MARCHF4: variants seen among roughly 807,000 people sequenced by gnomAD.
MARCHF4 encodes the protein E3 ubiquitin-protein ligase MARCHF4.
A neutral mutation model predicts 43.9 loss-of-function variants in MARCHF4; 14 were observed. The ratio of observed to expected loss-of-function variants is 0.32; its 90% CI spans 0.21 to 0.50. The LOEUF (loss-of-function observed/expected upper bound fraction) is 0.50, where lower values mean the gene tolerates loss of function less well. Among genes scored for constraint, MARCHF4 ranks in the 20% least tolerant of loss-of-function variants. MARCHF4 has a pLI of 0.98. For synonymous variants in MARCHF4, 226 were observed against 213.3 expected, an observed-to-expected ratio of 1.06 and a Z score of -0.52; for missense variants, 468 against 536.7, an observed-to-expected ratio of 0.87 and a Z score of 1.27.
intron 2 of MARCHF4, among the ~76,000 whole-genome samples, chr2:216,278,370 C>T (rs745338329): frequency 4.6e-5 from 7 of 152,178 alleles, no homozygotes; most frequent in African/African-American, 1.7e-4. Flanking sequence ...ACTACAGGCA[C>T]CCAACACCAT....
At chr2:216,321,164 G>T (rs1264951961) in intron 1 of MARCHF4, among the ~76,000 whole-genome samples, 1 of 151,968 alleles carries the variant, frequency 6.6e-6, no homozygotes, top group African/African-American at 2.4e-5. Flanking sequence ...TAACTCTTCA[G>T]TCAAGACTCC....
chr2:216,265,338 G>A (rs938211851), intron 3 of MARCHF4, among the ~76,000 whole-genome samples: 13 of 152,130 alleles, frequency 8.5e-5, no homozygotes, highest in Non-Finnish European at 2.9e-5. Flanking sequence ...TAGAAGAATT[G>A]TCTCCTTTGT....
chr2:216,313,379 A>T (rs74818533), intron 1 of MARCHF4, among the ~76,000 whole-genome samples: 1,601 of 152,366 alleles, frequency 0.011, 34 homozygotes, highest in African/African-American at 0.037. Context: ...CTAGTTCATT[A>T]AAACAGGTTT....
chr2:216,363,212 A>G (rs1357867661), intron 1 of MARCHF4, among the ~76,000 whole-genome samples: 1 of 152,208 alleles, frequency 6.6e-6, no homozygotes, highest in Non-Finnish European at 1.5e-5. Context: ...GGCCTCAGCT[A>G]GAAGCCACAT....
chr2:216,277,244 G>C (rs1447215120), intron 3 of MARCHF4, among the ~76,000 whole-genome samples: 1 of 152,146 alleles, frequency 6.6e-6, no homozygotes, highest in African/African-American at 2.4e-5. Context: ...GGCAGGGAGT[G>C]GGGGCAGATT....
intron 1 of MARCHF4, among the ~76,000 whole-genome samples, chr2:216,350,885 T>A (rs1193001052): frequency 6.6e-6 from 1 of 152,206 alleles, no homozygotes; most frequent in Non-Finnish European, 1.5e-5. Flanking sequence ...GCTTGGCACA[T>A]CACAGGTACT....
chr2:216,292,900 A>G (rs188994668), intron 1 of MARCHF4, among the ~76,000 whole-genome samples: 1 of 152,326 alleles, frequency 6.6e-6, no homozygotes, highest in Admixed American at 6.5e-5. Flanking sequence ...ATCAGGATCA[A>G]GAAAAATGAC....
At chr2:216,343,858 A>G (rs1692270724) in intron 1 of MARCHF4, among the ~76,000 whole-genome samples, 1 of 152,214 alleles carries the variant, frequency 6.6e-6, no homozygotes, top group Non-Finnish European at 1.5e-5. Flanking sequence ...CCAGAAGAGT[A>G]GCTAGAAGTA....
intron 3 of MARCHF4, among the ~76,000 whole-genome samples, chr2:216,275,523 C>A (rs1691005117): frequency 6.6e-6 from 1 of 152,192 alleles, no homozygotes. Context: ...AGTCAGGAGA[C>A]CTCACTTTTA....
rs576647721 is a variant in MARCHF4 at position 216,301,806 on chromosome 2, C to T, written c.517-18077G>A. On this transcript the variant is annotated intron_variant, in intron 1 of 3. Transcript: ENST00000273067. The stretch of plus-strand genomic sequence containing the variant: ...GACAAATTACTTAACCTCTTGGTGC[C>T]TTAGTTTTCTAATTATTAAAATGAG... Among the ~76,000 whole-genome samples, 9 of 152,256 alleles carry T rather than the reference C, an allele frequency of 5.9e-5. No homozygotes were observed. The East Asian group carries it at 1.7e-3, about 29-fold the overall frequency.
intron 1 of MARCHF4, among the ~76,000 whole-genome samples, chr2:216,349,830 A>C (rs1213211585): frequency 1.3e-5 from 2 of 152,120 alleles, no homozygotes; most frequent in Non-Finnish European, 2.9e-5. Context: ...GTCACTGGGC[A>C]TTTAACATTT....
intron 1 of MARCHF4, 29 bp from the exon 2 acceptor site, chr2:216,283,758 G>A (rs756779977): frequency 2.6e-6 from 4 of 1,566,236 alleles, no homozygotes; most frequent in Non-Finnish European, 3.5e-6. Context: ...GGGTGATGAG[G>A]CTGAGACCTA....
At chr2:216,310,951 G>A (rs1264289650) in intron 1 of MARCHF4, among the ~76,000 whole-genome samples, 1 of 151,954 alleles carries the variant, frequency 6.6e-6, no homozygotes, top group Non-Finnish European at 1.5e-5. Flanking sequence ...AGTGGGGGAA[G>A]GATTATTTTA....
At chr2:216,345,887 T>C (rs552082799) in intron 1 of MARCHF4, among the ~76,000 whole-genome samples, 1 of 152,176 alleles carries the variant, frequency 6.6e-6, no homozygotes, top group Admixed American at 6.5e-5. Context: ...CCACCCCATG[T>C]AAAATCAAAT....
chr2:216,352,687 G>C (rs1016563355), intron 1 of MARCHF4, among the ~76,000 whole-genome samples: 1 of 152,006 alleles, frequency 6.6e-6, no homozygotes. Context: ...CTCCTCCTTC[G>C]ACCTGGAGCG....
chr2:216,338,493 C>T (rs1283640658), intron 1 of MARCHF4, among the ~76,000 whole-genome samples: 1 of 152,170 alleles, frequency 6.6e-6, no homozygotes, highest in Non-Finnish European at 1.5e-5. Flanking sequence ...ACCTTGACAG[C>T]CCTTCCTCAG....
chr2:216,294,076 T>C (rs769524405), intron 1 of MARCHF4, among the ~76,000 whole-genome samples: 2 of 152,254 alleles, frequency 1.3e-5, no homozygotes, highest in Non-Finnish European at 1.5e-5. Flanking sequence ...AAATCTTGCA[T>C]GACCAGAATT....
At position 216,371,189 on chromosome 2, in the gene MARCHF4, G is replaced by T; in HGVS notation, c.-929C>A. The T allele has an allele frequency of 6.5e-6, 1 of 152,738 alleles. No individual in the cohort carries two copies. The highest frequency in any genetic ancestry group is 1.5e-5 in the Non-Finnish European group (1 of 68,300). 9.5% of individuals were successfully genotyped at this position (152,738 alleles called of 1,614,324 possible). A position where few individuals can be genotyped will look rare whatever the true frequency, so the allele number is the denominator to read the frequency against. On this transcript the variant is annotated 5_prime_UTR_variant, in exon 1 of 4. Transcript: ENST00000273067. ...TGGCTAGAGGAAGGGTGTGTGTACCGGGGTGAGAGGGCAGTGGAGCAGAGA... is the reference window on the plus strand; with the variant it reads ...TGGCTAGAGGAAGGGTGTGTGTACCTGGGTGAGAGGGCAGTGGAGCAGAGA...
chr2:216,319,975 C>T (rs73066447), intron 1 of MARCHF4, among the ~76,000 whole-genome samples: 4,846 of 152,264 alleles, frequency 0.032, 269 homozygotes, highest in African/African-American at 0.11. Flanking sequence ...CCTTGACATG[C>T]TCCTCCAATC....
Sources: allele counts gnomAD v4.1 joint callset (sites outside exome capture counted in the v4.1 genomes callset), GRCh38; gene constraint gnomAD v4.1.1; transcripts MANE v1.5; gene names NCBI Gene and HGNC (gene_info 2026-07-23, HGNC 2026-07-21).